SOX5: variants seen among roughly 807,000 people sequenced by gnomAD.
The protein encoded by SOX5 is SRY-box transcription factor 5.
Under a neutral mutation model 92.0 loss-of-function variants are expected in SOX5, and 9 were observed. That is an observed-to-expected ratio of 0.10 (90% confidence interval 0.06 to 0.17). The LOEUF is 0.17. Ranked by LOEUF, SOX5 falls within the 10% of genes least tolerant of loss-of-function variation. The pLI, the probability that SOX5 is intolerant of heterozygous loss-of-function variation, is 1.00. For missense variants in SOX5, 642 were observed against 944.5 expected (o/e 0.68, Z 4.20); for synonymous variants, 344 against 336.3 (o/e 1.02, Z -0.25).
intron 2 of SOX5, among the ~76,000 whole-genome samples, chr12:24,279,479 C>T (rs185693531): frequency 6.6e-6 from 1 of 152,114 alleles, no homozygotes; most frequent in Admixed American, 6.5e-5. Flanking sequence ...ATTTATAGAA[C>T]AGGAAACAAC....
intron 6 of SOX5, among the ~76,000 whole-genome samples, chr12:23,686,101 G>A (rs1018390808): frequency 1.3e-5 from 2 of 152,130 alleles, no homozygotes; most frequent in African/African-American, 4.8e-5. Context: ...GTAATGAAGT[G>A]AGCTATAATT....
chr12:24,557,356 A>C (rs7132302), intron 1 of SOX5, among the ~76,000 whole-genome samples: 79,393 of 148,414 alleles, frequency 0.53, 23,386 homozygotes, highest in East Asian at 0.91. Context: ...GGACCAACAT[A>C]GCGCCACTGC....
chr12:23,803,442 A>G (rs937909717), intron 3 of SOX5, among the ~76,000 whole-genome samples: 2 of 152,104 alleles, frequency 1.3e-5, no homozygotes, highest in Non-Finnish European at 2.9e-5. Flanking sequence ...TTTATCCTTC[A>G]ATATTTCTGA....
Position 24,195,677 on chromosome 12 carries a change from C to G in SOX5, c.-2+17666G>C, listed in dbSNP as rs766061749. Reference sequence around the variant, plus strand: ...CCTGTCTACATATGCTGATTCCCCCCGCTCTTATGGAGCTAAGTCAAATTT... The same window carrying G: ...CCTGTCTACATATGCTGATTCCCCCGGCTCTTATGGAGCTAAGTCAAATTT... On this transcript the variant is annotated intron_variant, in intron 4 of 4. Coordinates refer to the SOX5 transcript ENST00000446891. Among the ~76,000 whole-genome samples, 4 of 152,080 alleles carry G rather than the reference C, an allele frequency of 2.6e-5. No individual in the cohort carries two copies. The South Asian group carries it at 6.2e-4, about 24-fold the overall frequency.
chr12:24,035,540 G>A (rs1170034170), intron 4 of SOX5, among the ~76,000 whole-genome samples: 1 of 152,026 alleles, frequency 6.6e-6, no homozygotes, highest in Non-Finnish European at 1.5e-5. Context: ...CTGTGGGAAT[G>A]TTACTTCTTC....
At chr12:23,895,258 T>C (rs1432066095) in intron 2 of SOX5, among the ~76,000 whole-genome samples, 3 of 145,250 alleles carry the variant, frequency 2.1e-5, no homozygotes, top group Admixed American at 6.8e-5. Context: ...ACAGTGTGAA[T>C]AGGCCTGAGT....
chr12:24,226,702 C>A (rs1962089318), intron 3 of SOX5, among the ~76,000 whole-genome samples: 1 of 152,072 alleles, frequency 6.6e-6, no homozygotes, highest in Admixed American at 6.6e-5. Flanking sequence ...AACTCCTGAC[C>A]TCAGGTGATC....
chr12:24,081,024 T>A (rs934388597), intron 4 of SOX5, among the ~76,000 whole-genome samples: 1 of 152,034 alleles, frequency 6.6e-6, no homozygotes, highest in African/African-American at 2.4e-5. Context: ...AATACGCTTA[T>A]TAACTTGTGA....
chr12:24,370,247 G>A (rs1248735938), intron 1 of SOX5, among the ~76,000 whole-genome samples: 1 of 152,062 alleles, frequency 6.6e-6, no homozygotes, highest in Non-Finnish European at 1.5e-5. Flanking sequence ...GGCCAAGACG[G>A]GTGGATCATG....
rs114884497 is a variant in SOX5 at position 24,302,868 on chromosome 12, T to C, written c.-173-25556A>G. Reference sequence around the variant, plus strand: ...ATACAGGGACAGCTGATGACAACAGTGCTCAGAGTGGGGAAAATGAAATTG... The same window carrying C: ...ATACAGGGACAGCTGATGACAACAGCGCTCAGAGTGGGGAAAATGAAATTG... On this transcript the variant is annotated intron_variant, in intron 2 of 4. Coordinates refer to the SOX5 transcript ENST00000446891. Among the ~76,000 whole-genome samples, 1,079 of 151,972 alleles carry C rather than the reference T, an allele frequency of 7.1e-3. 9 individuals are homozygous for C. Among genetic ancestry groups the C allele is most frequent in the African/African-American group, 0.025 (1,024 of 41,434 alleles).
intron 2 of SOX5, among the ~76,000 whole-genome samples, chr12:23,880,266 C>G (rs1209743637): frequency 6.6e-6 from 1 of 152,116 alleles, no homozygotes. Context: ...GTTAAGAAAC[C>G]TTAACTTTAG....
rs67253622 is a variant in SOX5 at position 23,979,698 on chromosome 12, G to GTTTTTTTTTTTTTTTTTT, written c.-1-83675_-1-83674insAAAAAAAAAAAAAAAAAA. ...TTCTTCCTTCCATATATATATATAT[G>GTTTTTTTTTTTTTTTTTT]TTTTTTTTGTTTTTTTTTTTTTTTT... On this transcript the variant is annotated intron_variant, in intron 4 of 4. Coordinates refer to the SOX5 transcript ENST00000446891. Among the ~76,000 whole-genome samples, 113 of 64,702 alleles carry GTTTTTTTTTTTTTTTTTT rather than the reference G, an allele frequency of 1.7e-3. 40 individuals carry two copies. The highest frequency in any genetic ancestry group is 0.014 in the East Asian group (18 of 1,284). 42.4% of individuals were successfully genotyped at this position (64,702 alleles called of 152,430 possible).
At chr12:23,636,623 A>G (rs1031393429) in intron 8 of SOX5, among the ~76,000 whole-genome samples, 1 of 152,218 alleles carries the variant, frequency 6.6e-6, no homozygotes, top group African/African-American at 2.4e-5. Flanking sequence ...AAGTACCTGA[A>G]TTAACATATA....
intron 4 of SOX5, among the ~76,000 whole-genome samples, chr12:23,745,963 T>C (rs2093969672): frequency 6.6e-6 from 1 of 152,188 alleles, no homozygotes. Context: ...CACCGTTTAA[T>C]GAATGACATA....
chr12:23,730,181 A>C (rs1450481778), intron 6 of SOX5, among the ~76,000 whole-genome samples: 1 of 152,204 alleles, frequency 6.6e-6, no homozygotes, highest in African/African-American at 2.4e-5. Flanking sequence ...AATTGCTAAA[A>C]GATGGGGACT....
intron 4 of SOX5, among the ~76,000 whole-genome samples, chr12:24,012,969 G>A (rs1953129820): frequency 6.6e-6 from 1 of 152,096 alleles, no homozygotes; most frequent in South Asian, 2.1e-4. Flanking sequence ...ATCTCATTTG[G>A]TGATCACTTC....
At chr12:24,419,051 T>C (rs16927597) in intron 1 of SOX5, among the ~76,000 whole-genome samples, 35,415 of 152,112 alleles carry the variant, frequency 0.23, 5,003 homozygotes, top group East Asian at 0.66. Flanking sequence ...TTTTTTTCTT[T>C]CATGAACACA....
intron 4 of SOX5, among the ~76,000 whole-genome samples, chr12:24,186,175 C>G (rs542529285): frequency 6.6e-6 from 1 of 152,094 alleles, no homozygotes; most frequent in Non-Finnish European, 1.5e-5. Flanking sequence ...AGCAAACAAA[C>G]AAAACCAACA....
chr12:23,896,604 T>A (rs1411659775), intron 1 of SOX5, among the ~76,000 whole-genome samples: 6 of 151,760 alleles, frequency 4.0e-5, no homozygotes, highest in Non-Finnish European at 7.4e-5. Flanking sequence ...AAGGATTGAA[T>A]AAATTTTACA....
Sources: allele counts gnomAD v4.1 joint callset (sites outside exome capture counted in the v4.1 genomes callset), GRCh38; gene constraint gnomAD v4.1.1; transcripts MANE v1.5; gene names NCBI Gene and HGNC (gene_info 2026-07-23, HGNC 2026-07-21).